AP1S3: variants seen among roughly 807,000 people sequenced by gnomAD.
The protein encoded by AP1S3 is adaptor related protein complex 1 subunit sigma 3.
A neutral mutation model predicts 20.9 loss-of-function variants in AP1S3; 10 were observed. That is an observed-to-expected ratio of 0.48 (90% confidence interval 0.29 to 0.81). The LOEUF (loss-of-function observed/expected upper bound fraction) is 0.81. Among genes scored for constraint, AP1S3 ranks in the 30% least tolerant of loss-of-function variants. The pLI, the probability that AP1S3 is intolerant of heterozygous loss-of-function variation, is 0.08. For missense variants in AP1S3, 154 were observed against 183.8 expected (o/e 0.84, Z 0.94); for synonymous variants, 41 against 61.5 (o/e 0.67, Z 1.56).
At chr2:223,783,147 C>A (rs1690988636) in intron 1 of AP1S3, among the ~76,000 whole-genome samples, 2 of 152,134 alleles carry the variant, frequency 1.3e-5, no homozygotes, top group South Asian at 4.1e-4. Flanking sequence ...CTCTAGCATT[C>A]CCTTTCAATA....
chr2:223,816,406 T>G (rs1574723391), intron 1 of AP1S3, among the ~76,000 whole-genome samples: 1 of 152,226 alleles, frequency 6.6e-6, no homozygotes, highest in African/African-American at 2.4e-5. Context: ...ACGGTCTTTT[T>G]AAGCAAAGCC....
intron 1 of AP1S3, among the ~76,000 whole-genome samples, chr2:223,827,830 C>T (rs891285022): frequency 5.3e-5 from 8 of 151,396 alleles, no homozygotes; most frequent in Non-Finnish European, 1.0e-4. Flanking sequence ...GAGGCCAAGG[C>T]GGGCTGATCA....
intron 1 of AP1S3, among the ~76,000 whole-genome samples, chr2:223,799,896 G>A (rs889447403): frequency 2.8e-5 from 4 of 143,254 alleles, no homozygotes; most frequent in African/African-American, 1.1e-4. Context: ...AGAATGCAAA[G>A]CCAGATCAGC....
At chr2:223,809,372 T>C (rs1039004243) in intron 1 of AP1S3, among the ~76,000 whole-genome samples, 14 of 152,212 alleles carry the variant, frequency 9.2e-5, no homozygotes, top group East Asian at 1.9e-4. Flanking sequence ...TGGCTGGGCA[T>C]GGTGGCTCAC....
At chr2:223,795,100 T>G (rs1172907142) in intron 1 of AP1S3, among the ~76,000 whole-genome samples, 1 of 152,020 alleles carries the variant, frequency 6.6e-6, no homozygotes, top group African/African-American at 2.4e-5. Context: ...AAATACAAAA[T>G]TAGCCGGGCG....
chr2:223,815,079 C>A (rs1325334393), intron 1 of AP1S3, among the ~76,000 whole-genome samples: 3 of 152,200 alleles, frequency 2.0e-5, no homozygotes, highest in Non-Finnish European at 2.9e-5. Flanking sequence ...TGGCCCCAAT[C>A]TTTATTTTAA....
rs114845295 is a variant in AP1S3 at position 223,828,114 on chromosome 2, G to T, written c.3+9334C>A. ...AAAAAGAAGAAGAAGAAAAGAAAAA[G>T]AAATAGCCCTGGCTAGCATTTATGA... On this transcript the variant is annotated intron_variant, in intron 1 of 4. Coordinates refer to ENST00000396654, the MANE Select transcript of AP1S3 (RefSeq NM_001039569.2). Among the ~76,000 whole-genome samples the T allele has an allele frequency of 8.5e-3, 830 of 97,384 alleles. 8 individuals carry two copies. The highest frequency in any genetic ancestry group is 0.029 in the African/African-American group (778 of 26,956). 63.9% of individuals were successfully genotyped at this position (97,384 alleles called of 152,430 possible).
chr2:223,776,098 C>G, intron 2 of AP1S3, 89 bp from the exon 3 acceptor site: 1 of 903,370 alleles, frequency 1.1e-6, no homozygotes, highest in Non-Finnish European at 1.8e-6. Context: ...GTCACCTCCT[C>G]CCCCGCCGAG....
At chr2:223,788,761 C>CT (rs1423842583) in intron 1 of AP1S3, among the ~76,000 whole-genome samples, 1 of 115,964 alleles carries the variant, frequency 8.6e-6, no homozygotes, top group African/African-American at 4.2e-5. Context: ...AAGACTCTGT[C>CT]TAAAAAAAAA....
At chr2:223,808,993 T>C (rs957519992) in intron 1 of AP1S3, among the ~76,000 whole-genome samples, 1 of 151,978 alleles carries the variant, frequency 6.6e-6, no homozygotes, top group African/African-American at 2.4e-5. Context: ...AGACCCCGTC[T>C]AAAAAAAATA....
At chr2:223,786,231 A>G (rs1238012461) in intron 1 of AP1S3, among the ~76,000 whole-genome samples, 1 of 152,274 alleles carries the variant, frequency 6.6e-6, no homozygotes, top group African/African-American at 2.4e-5. Context: ...ATAGGTAAGG[A>G]TCATTACAAA....
chr2:223,815,951 A>G (rs1691833387), intron 1 of AP1S3, among the ~76,000 whole-genome samples: 1 of 152,156 alleles, frequency 6.6e-6, no homozygotes, highest in African/African-American at 2.4e-5. Context: ...CTGTACAAAA[A>G]ATACAAAAAT....
At chr2:223,797,322 G>A (rs919804486) in intron 1 of AP1S3, among the ~76,000 whole-genome samples, 3 of 152,164 alleles carry the variant, frequency 2.0e-5, no homozygotes, top group East Asian at 1.9e-4. Flanking sequence ...AACGAAAGCC[G>A]CAGCCACAGC....
chr2:223,782,011 C>CTTTT (rs35909928), intron 1 of AP1S3, among the ~76,000 whole-genome samples: 16 of 128,390 alleles, frequency 1.2e-4, no homozygotes, highest in Admixed American at 1.6e-4. Context: ...GGCTTTAAGT[C>CTTTT]TTTTTTTTTT....
chr2:223,833,918 A>ATTTATTTG, intron 1 of AP1S3, among the ~76,000 whole-genome samples: 1 of 149,474 alleles, frequency 6.7e-6, no homozygotes, highest in East Asian at 1.9e-4. Flanking sequence ...TTATTTATTT[A>ATTTATTTG]TTTATTTGAG....
At chr2:223,810,410 T>C (rs939381741) in intron 1 of AP1S3, among the ~76,000 whole-genome samples, 15 of 151,986 alleles carry the variant, frequency 9.9e-5, no homozygotes, top group African/African-American at 3.6e-4. Flanking sequence ...CCTCCTGGGC[T>C]CGAGCCTCCC....
At chr2:223,761,120 G>C (rs1262023184) in intron 4 of AP1S3, among the ~76,000 whole-genome samples, 2 of 152,178 alleles carry the variant, frequency 1.3e-5, no homozygotes, top group Non-Finnish European at 1.5e-5. Flanking sequence ...GCATTTTCTT[G>C]AGCTTGCCAC....
chr2:223,789,652 T>C (rs1574704913), intron 1 of AP1S3, among the ~76,000 whole-genome samples: 1 of 139,686 alleles, frequency 7.2e-6, no homozygotes, highest in Admixed American at 7.6e-5. Context: ...CCAGCCTGGG[T>C]CAACATGACA....
intron 2 of AP1S3, among the ~76,000 whole-genome samples, chr2:223,776,801 G>A (rs1017771339): frequency 1.3e-5 from 2 of 152,072 alleles, no homozygotes; most frequent in African/African-American, 4.8e-5. Context: ...AGGCTTTAAA[G>A]CCAAAAAGAT....
Sources: allele counts gnomAD v4.1 joint callset (sites outside exome capture counted in the v4.1 genomes callset), GRCh38; gene constraint gnomAD v4.1.1; transcripts MANE v1.5; gene names NCBI Gene and HGNC (gene_info 2026-07-23, HGNC 2026-07-21).